CEP128: variants seen among roughly 807,000 people sequenced by gnomAD.
CEP128 encodes the protein centrosomal protein 128kDa.
In CEP128, 132 loss-of-function variants were observed where a neutral mutation model predicts 156.7. The ratio of observed to expected loss-of-function variants is 0.84; its 90% confidence interval spans 0.73 to 0.97. CEP128 has a LOEUF of 0.97. CEP128 is among the 50% of genes least tolerant of loss of function. The probability of loss-of-function intolerance (pLI) is 0.00; values close to 1 mark genes in which losing one functional copy is unlikely to be tolerated. For synonymous variants in CEP128, 469 were observed against 448.9 expected, an observed-to-expected ratio of 1.04 and a Z score of -0.57; for missense variants, 1,252 against 1,281.9, an observed-to-expected ratio of 0.98 and a Z score of 0.36.
intron 16 of CEP128, among the ~76,000 whole-genome samples, chr14:80,774,712 CTG>C (rs995416973): frequency 3.9e-5 from 6 of 152,090 alleles, no homozygotes; most frequent in African/African-American, 1.4e-4. Flanking sequence ...GTGTCAGGCT[CTG>C]TGCCTGGTCT....
chr14:80,785,484 T>C lies in CEP128; in HGVS notation c.1622A>G (p.Asn541Ser). 1.2e-6 allele frequency: 2 copies of C among 1,613,690 alleles called. No homozygotes were observed. The highest frequency in any genetic ancestry group is 1.1e-5 in the South Asian group (1 of 91,050). ...GACATCATTCAATTCCTTTCGAAGA[T>C]TCTCTATTTGTTGTAATGCTGCATA... ...QLYAALQQIE[N>S]LRKELNDVLT... Residue 541 changes from asparagine to serine, a missense_variant, in exon 15 of 25, where the codon AAT (asparagine) becomes AGT (serine). Transcript: ENST00000555265.
chr14:80,929,026 A>G lies in CEP128; in HGVS notation c.-16+10359T>C, dbSNP rs554065690. ...TCTACAAGGAACTCAAACATATCAGAAAAAAAAAAGTAATCCTATTAAAAA... is the reference window on the plus strand; with the variant it reads ...TCTACAAGGAACTCAAACATATCAGGAAAAAAAAAGTAATCCTATTAAAAA... On this transcript the variant is annotated intron_variant, in intron 2 of 24. Coordinates refer to ENST00000555265, the MANE Select transcript of CEP128 (RefSeq NM_152446.5). Among the ~76,000 whole-genome samples the G allele has an allele frequency of 1.8e-3, 275 of 150,450 alleles. 1 individual carries two copies. Among genetic ancestry groups the G allele is most frequent in the Non-Finnish European group, 2.9e-3 (198 of 67,410 alleles).
At chr14:80,695,843 G>T (rs1896875637) in intron 19 of CEP128, among the ~76,000 whole-genome samples, 1 of 151,954 alleles carries the variant, frequency 6.6e-6, no homozygotes, top group Non-Finnish European at 1.5e-5. Context: ...AGACTTAAAG[G>T]TATATATAAC....
At chr14:80,625,633 C>T (rs1457537265) in intron 19 of CEP128, among the ~76,000 whole-genome samples, 1 of 152,002 alleles carries the variant, frequency 6.6e-6, no homozygotes, top group Non-Finnish European at 1.5e-5. Context: ...TTTCTTTCGT[C>T]AGTGTTTTGT....
At chr14:80,491,125 T>C (rs1277187580) in intron 6 of CEP128, among the ~76,000 whole-genome samples, 1 of 152,206 alleles carries the variant, frequency 6.6e-6, no homozygotes, top group African/African-American at 2.4e-5. Flanking sequence ...ATCTAATCCA[T>C]GAGTTTACAT....
downstream of CEP128, among the ~76,000 whole-genome samples, chr14:80,490,056 C>T (rs1887272745): frequency 1.3e-5 from 2 of 151,910 alleles, no homozygotes; most frequent in African/African-American, 4.8e-5. Flanking sequence ...CATTCCTAAA[C>T]AATAAGGGGG....
intron 19 of CEP128, among the ~76,000 whole-genome samples, chr14:80,717,061 T>C (rs905519372): frequency 6.6e-6 from 1 of 152,162 alleles, no homozygotes; most frequent in South Asian, 2.1e-4. Context: ...CATTTTTTAA[T>C]TGGGTTGTTT....
At chr14:80,656,905 T>C (rs1895196233) in intron 19 of CEP128, among the ~76,000 whole-genome samples, 1 of 152,176 alleles carries the variant, frequency 6.6e-6, no homozygotes, top group Non-Finnish European at 1.5e-5. Flanking sequence ...ACTAACAGAA[T>C]ATTTAGTCAG....
At chr14:80,876,533 G>T (rs1888291662) in intron 8 of CEP128, among the ~76,000 whole-genome samples, 4 of 150,942 alleles carry the variant, frequency 2.7e-5, no homozygotes. Context: ...GGAGGCAAAG[G>T]TTGCAGTGAG....
chr14:80,923,040 G>A (rs1030623867), intron 2 of CEP128, among the ~76,000 whole-genome samples: 1 of 152,204 alleles, frequency 6.6e-6, no homozygotes, highest in African/African-American at 2.4e-5. Context: ...AATCTCTAGA[G>A]AAGACTAAGA....
chr14:80,591,193 A>G (rs903160221), intron 19 of CEP128, among the ~76,000 whole-genome samples: 2 of 152,194 alleles, frequency 1.3e-5, no homozygotes, highest in Non-Finnish European at 2.9e-5. Context: ...AAATGTCCCA[A>G]TTAAAAGACA....
In CEP128 at chr14:80,681,766, C is replaced by T. The variant is rs564576178; in HGVS notation, c.2806+61309G>A. Among the ~76,000 whole-genome samples, 9 of 152,304 alleles carry T rather than the reference C, an allele frequency of 5.9e-5. No homozygotes were observed. The East Asian group carries it at 1.7e-3, about 29-fold the overall frequency. On this transcript the variant is annotated intron_variant, in intron 19 of 24. Coordinates refer to ENST00000555265, the MANE Select transcript of CEP128 (RefSeq NM_152446.5). Reference sequence around the variant, plus strand: ...ATGCTGAACTGTGAGTCAATTAAATCTCTTTTCTTTATAAAGTACACAGTC... The same window carrying T: ...ATGCTGAACTGTGAGTCAATTAAATTTCTTTTCTTTATAAAGTACACAGTC...
At chr14:80,615,188 CA>C (rs1195675654) in intron 19 of CEP128, among the ~76,000 whole-genome samples, 1 of 152,124 alleles carries the variant, frequency 6.6e-6, no homozygotes, top group Non-Finnish European at 1.5e-5. Context: ...GGAAACTCTA[CA>C]GTCACACAAA....
intron 19 of CEP128, among the ~76,000 whole-genome samples, chr14:80,596,238 A>T (rs1892313610): frequency 6.6e-6 from 1 of 152,116 alleles, no homozygotes; most frequent in African/African-American, 2.4e-5. Flanking sequence ...TATCTACAGA[A>T]AACTCACCTA....
At chr14:80,567,812 GCAAAGGACAAC>G (rs1291285826) in intron 20 of CEP128, among the ~76,000 whole-genome samples, 1 of 152,122 alleles carries the variant, frequency 6.6e-6, no homozygotes, top group Non-Finnish European at 1.5e-5. Flanking sequence ...TAGGGGCAAT[GCAAAGGACAAC>G]CAGTGCAATT....
At chr14:80,916,380 T>C (rs1344502606) in intron 3 of CEP128, 21 bp downstream of exon 3, 1 of 1,595,776 alleles carries the variant, frequency 6.3e-7, no homozygotes, top group Admixed American at 1.7e-5. Context: ...TTCTATTAAA[T>C]GCAACCATTG....
intron 9 of CEP128, among the ~76,000 whole-genome samples, chr14:80,850,674 T>C (rs1396400574): frequency 6.6e-6 from 1 of 152,192 alleles, no homozygotes; most frequent in Non-Finnish European, 1.5e-5. Flanking sequence ...CCATGAAATG[T>C]CACTTTATTC....
chr14:80,696,676 A>T (rs568386957), intron 19 of CEP128, among the ~76,000 whole-genome samples: 1 of 152,286 alleles, frequency 6.6e-6, no homozygotes, highest in East Asian at 1.9e-4. Flanking sequence ...GACAACTAGG[A>T]TATCATCACT....
At chr14:80,709,251 G>C (rs552561062) in intron 19 of CEP128, among the ~76,000 whole-genome samples, 1 of 151,704 alleles carries the variant, frequency 6.6e-6, no homozygotes, top group African/African-American at 2.4e-5. Context: ...TGATTCTCCT[G>C]TCTCAGCCTC....
Sources: allele counts gnomAD v4.1 joint callset (sites outside exome capture counted in the v4.1 genomes callset), GRCh38; gene constraint gnomAD v4.1.1; transcripts MANE v1.5; gene names NCBI Gene and HGNC (gene_info 2026-07-23, HGNC 2026-07-21).